PDE4D: variants seen among roughly 807,000 people sequenced by gnomAD.
The protein encoded by PDE4D is 3',5'-cyclic-AMP phosphodiesterase 4D.
Under a neutral mutation model 87.4 loss-of-function variants are expected in PDE4D, and 24 were observed. The ratio of observed to expected loss-of-function variants is 0.27; its 90% CI spans 0.20 to 0.39. The LOEUF is 0.39. PDE4D is among the 10% of genes least tolerant of loss of function. The pLI, the probability that PDE4D is intolerant of heterozygous loss-of-function variation, is 1.00. For synonymous variants in PDE4D, 384 were observed against 383.2 expected (o/e 1.00, Z -0.02); for missense variants, 714 against 1,041.0 (o/e 0.69, Z 4.32).
intron 1 of PDE4D, among the ~76,000 whole-genome samples, chr5:59,572,339 A>G (rs553833543): frequency 1.3e-5 from 2 of 152,270 alleles, no homozygotes; most frequent in South Asian, 4.1e-4. Context: ...AAGACATACC[A>G]TTTTTTAATA....
At chr5:59,690,321 C>T (rs1017097550) in intron 1 of PDE4D, among the ~76,000 whole-genome samples, 33 of 152,290 alleles carry the variant, frequency 2.2e-4, no homozygotes, top group Non-Finnish European at 2.8e-4. Flanking sequence ...TCAAACTATA[C>T]TACAAGGCTA....
intron 1 of PDE4D, among the ~76,000 whole-genome samples, chr5:59,287,349 G>A (rs1581774931): frequency 6.6e-6 from 1 of 151,986 alleles, no homozygotes; most frequent in African/African-American, 2.4e-5. Context: ...AGAAGGAAGA[G>A]TGGGAAGGAC....
intron 1 of PDE4D, among the ~76,000 whole-genome samples, chr5:60,452,689 G>T (rs1169305462): frequency 6.6e-6 from 1 of 152,054 alleles, no homozygotes; most frequent in African/African-American, 2.4e-5. Context: ...AGAGGCAACA[G>T]CTACATTATG....
intron 1 of PDE4D, among the ~76,000 whole-genome samples, chr5:59,285,091 T>A (rs1180207553): frequency 6.3e-4 from 74 of 117,022 alleles, no homozygotes; most frequent in Middle Eastern, 7.7e-3. Flanking sequence ...AGGGATAGCA[T>A]TGGGAGATAT....
At chr5:60,510,441 G>A (rs1408892744) in intron 1 of PDE4D, among the ~76,000 whole-genome samples, 1 of 152,154 alleles carries the variant, frequency 6.6e-6, no homozygotes, top group African/African-American at 2.4e-5. Context: ...TACATCTAGG[G>A]AGACTATAGA....
intron 1 of PDE4D, among the ~76,000 whole-genome samples, chr5:59,390,391 C>A (rs1171851826): frequency 6.6e-6 from 1 of 152,014 alleles, no homozygotes; most frequent in Non-Finnish European, 1.5e-5. Flanking sequence ...GAACATCTAA[C>A]AATGCATGAC....
rs541992169 is a variant in PDE4D at position 59,621,300 on chromosome 5, CA to C, written c.455+271867del. The stretch of plus-strand genomic sequence containing the variant: ...TATTAGCAATACCCTTTGCTTCACA[CA>C]AAAAAAGCTAAAAATTAATGGATAT... On this transcript the variant is annotated intron_variant, in intron 1 of 14. Transcript: ENST00000340635. 3.1e-4 allele frequency among the ~76,000 whole-genome samples: 47 copies of C among 152,228 alleles called. No homozygotes were observed. The South Asian group carries it at 9.7e-3, about 32-fold the overall frequency.
At chr5:59,878,173 A>G (rs1434360129) in intron 1 of PDE4D, among the ~76,000 whole-genome samples, 1 of 152,200 alleles carries the variant, frequency 6.6e-6, no homozygotes, top group Admixed American at 6.5e-5. Context: ...AGATGAGTTG[A>G]GAAAACCAAT....
intron 1 of PDE4D, among the ~76,000 whole-genome samples, chr5:59,571,514 A>G (rs1821846876): frequency 6.6e-6 from 1 of 152,204 alleles, no homozygotes; most frequent in Admixed American, 6.5e-5. Context: ...AATCTTCAAT[A>G]TTCTTTTGAA....
chr5:60,038,958 G>A (rs1488898026), intron 2 of PDE4D, among the ~76,000 whole-genome samples: 18 of 150,968 alleles, frequency 1.2e-4, no homozygotes, highest in Admixed American at 4.0e-4. Flanking sequence ...AGAGGATGTG[G>A]AGAAATAGGA....
intron 1 of PDE4D, among the ~76,000 whole-genome samples, chr5:59,520,431 G>T (rs1268614683): frequency 6.6e-6 from 1 of 152,162 alleles, no homozygotes; most frequent in Non-Finnish European, 1.5e-5. Flanking sequence ...CTGAATTTCA[G>T]ATGAGTGGAA....
At chr5:59,287,452 C>T (rs763147907) in intron 1 of PDE4D, among the ~76,000 whole-genome samples, 15 of 152,192 alleles carry the variant, frequency 9.9e-5, no homozygotes, top group Admixed American at 2.6e-4. Context: ...GGCTCCTGGA[C>T]GTCATCTCTA....
chr5:60,298,860 T>G (rs1473702008), intron 1 of PDE4D, among the ~76,000 whole-genome samples: 1 of 152,162 alleles, frequency 6.6e-6, no homozygotes, highest in Admixed American at 6.5e-5. Flanking sequence ...ACATACCAAA[T>G]ATAAGACATT....
chr5:59,208,095 A>C (rs1749228580), intron 2 of PDE4D, among the ~76,000 whole-genome samples: 1 of 152,108 alleles, frequency 6.6e-6, no homozygotes, highest in Non-Finnish European at 1.5e-5. Context: ...TGAACCTGGG[A>C]GGCGGAGGAT....
At chr5:59,891,995 A>C (rs1050072216) in intron 1 of PDE4D, among the ~76,000 whole-genome samples, 3 of 152,192 alleles carry the variant, frequency 2.0e-5, no homozygotes, top group Admixed American at 6.5e-5. Context: ...GCCTGTCCAC[A>C]TCTAAGGTTA....
intron 3 of PDE4D, among the ~76,000 whole-genome samples, chr5:59,945,139 G>A (rs531305754): frequency 1.8e-4 from 28 of 152,264 alleles, no homozygotes; most frequent in African/African-American, 6.7e-4. Flanking sequence ...TTTTGAAAGT[G>A]CATAAAAGTA....
At chr5:59,574,084 TTATATATATAA>T (rs1822514035) in intron 1 of PDE4D, among the ~76,000 whole-genome samples, 1 of 109,792 alleles carries the variant, frequency 9.1e-6, no homozygotes, top group African/African-American at 4.1e-5. Flanking sequence ...ATATATATAT[TTATATATATAA>T]ATATATATTT....
chr5:60,360,000 C>G (rs188255493), intron 1 of PDE4D, among the ~76,000 whole-genome samples: 2 of 152,288 alleles, frequency 1.3e-5, no homozygotes, highest in Admixed American at 6.5e-5. Context: ...CAGTGCTAAG[C>G]ACTTTGAAAA....
chr5:60,141,783 A>G (rs1780559404), intron 2 of PDE4D, among the ~76,000 whole-genome samples: 1 of 152,198 alleles, frequency 6.6e-6, no homozygotes, highest in Admixed American at 6.6e-5. Context: ...GATAAGCTGA[A>G]ACAATATATG....
Sources: gnomAD v4.1 joint callset for allele counts (sites outside exome capture counted in the v4.1 genomes callset) on GRCh38, gnomAD v4.1.1 for gene constraint, MANE v1.5 for transcripts, NCBI Gene and HGNC (gene_info 2026-07-23, HGNC 2026-07-21) for gene names.